The following CADPS variants were observed in gnomAD, a reference collection of about 807,000 sequenced individuals.
The protein encoded by CADPS is calcium-dependent secretion activator 1.
A neutral mutation model predicts 167.3 loss-of-function variants in CADPS; 57 were observed. The observed-to-expected ratio is 0.34, with a 90% CI of 0.28 to 0.42. CADPS has a LOEUF of 0.42. Ranked by LOEUF, CADPS falls within the 20% of genes least tolerant of loss-of-function variation. The pLI, the probability that CADPS is intolerant of heterozygous loss-of-function variation, is 1.00. For missense variants in CADPS, 1,414 were observed against 1,738.1 expected (o/e 0.81, Z 3.32); for synonymous variants, 676 against 635.3 (o/e 1.06, Z -0.96).
At chr3:62,570,803 T>G (rs2081148552) in intron 9 of CADPS, 69 bp downstream of exon 9, 1 of 1,065,888 alleles carries the variant, frequency 9.4e-7, no homozygotes, top group African/African-American at 1.6e-5. Context: ...ATACCTCAGT[T>G]AAAAAGCATT....
In CADPS at chr3:62,765,882, T is replaced by C. The variant is rs2152503787; in HGVS notation, c.544A>G (p.Ser182Gly). Residue 182 changes from serine (S) to glycine (G), a missense_variant, in exon 2 of 30, where the codon AGT (serine) becomes GGT (glycine). Coordinates refer to ENST00000383710, the MANE Select transcript of CADPS (RefSeq NM_003716.4). Reference protein sequence around the residue: ...ADEAFMNAVQSYYEVFLKSDR... With the variant: ...ADEAFMNAVQGYYEVFLKSDR... ...ACAGTGATTCTCACCTCATAGTAACTCTGCACAGCGTTCATGAAGGCTTCG... is the reference window on the plus strand; with the variant it reads ...ACAGTGATTCTCACCTCATAGTAACCCTGCACAGCGTTCATGAAGGCTTCG... 3.7e-6 allele frequency: 6 copies of C among 1,609,624 alleles called. No individual in the cohort carries two copies. The highest frequency in any genetic ancestry group is 5.1e-6 in the Non-Finnish European group (6 of 1,176,200).
intron 7 of CADPS, 31 bp from the exon 8 acceptor site, chr3:62,585,355 A>G: frequency 6.3e-7 from 1 of 1,590,238 alleles, no homozygotes; most frequent in South Asian, 1.1e-5. Context: ...GCAACTAGAA[A>G]AGAGAAGCAC....
At chr3:62,799,551 G>T (rs1413976753) in intron 1 of CADPS, among the ~76,000 whole-genome samples, 1 of 152,156 alleles carries the variant, frequency 6.6e-6, no homozygotes, top group Non-Finnish European at 1.5e-5. Context: ...GCAAGATAAT[G>T]TTAGGATTAC....
At chr3:62,696,436 G>A (rs1015661559) in intron 3 of CADPS, among the ~76,000 whole-genome samples, 1 of 152,158 alleles carries the variant, frequency 6.6e-6, no homozygotes, top group East Asian at 1.9e-4. Context: ...CCCTGCCTCA[G>A]AAGTCTGCAT....
chr3:62,449,319 A>G (rs533386952), intron 26 of CADPS, among the ~76,000 whole-genome samples: 1 of 152,266 alleles, frequency 6.6e-6, no homozygotes, highest in South Asian at 2.1e-4. Flanking sequence ...ATGAGAGTTT[A>G]TCTCTAGGGC....
rs1487846745 is a variant in CADPS at position 62,602,866 on chromosome 3, C to G, written c.1326-10118G>C. On this transcript the variant is annotated intron_variant, in intron 6 of 29. Coordinates refer to ENST00000383710, the MANE Select transcript of CADPS (RefSeq NM_003716.4). This position sits in a 1 kb window ranked among gnomAD's most constrained non-coding sequence, Gnocchi z 4.4. ...CCGGCTTAGTTAAAGGAACTGCCAG[C>G]CACCCAGACATCATTCTTATTTGCC... Among the ~76,000 whole-genome samples the G allele has an allele frequency of 6.6e-6, 1 of 152,182 alleles. No homozygotes were observed. Among genetic ancestry groups the G allele is most frequent in the African/African-American group, 2.4e-5 (1 of 41,426 alleles).
In CADPS at chr3:62,438,047, G is replaced by A. The variant is rs1020912802; in HGVS notation, c.3777+57C>T. Reference sequence around the variant, plus strand: ...GACTTATCCTCCTGTCTCTTATTTTGTCACATTTTGGAGGGTCTCCTCCTT... The same window carrying A: ...GACTTATCCTCCTGTCTCTTATTTTATCACATTTTGGAGGGTCTCCTCCTT... On this transcript the variant is annotated intron_variant, in intron 28 of 29. Coordinates refer to ENST00000383710, the MANE Select transcript of CADPS (RefSeq NM_003716.4). The surrounding 1 kb of genome is among the most constrained non-coding windows in gnomAD (Gnocchi z 4.7). 2 of 1,142,404 alleles carry A rather than the reference G, an allele frequency of 1.8e-6. No individual in the cohort carries two copies. The highest frequency in any genetic ancestry group is 2.6e-6 in the Non-Finnish European group (2 of 763,588). 70.8% of individuals were successfully genotyped at this position (1,142,404 alleles called of 1,614,324 possible). A position where few individuals can be genotyped will look rare whatever the true frequency, so the allele number is the denominator to read the frequency against.
intron 10 of CADPS, among the ~76,000 whole-genome samples, chr3:62,556,380 T>A (rs1293946079): frequency 6.6e-6 from 1 of 152,216 alleles, no homozygotes. Context: ...TTTTACTAAG[T>A]GGGCTGGGCC....
chr3:62,704,913 G>A (rs2151640434), intron 3 of CADPS, among the ~76,000 whole-genome samples: 2 of 152,146 alleles, frequency 1.3e-5, no homozygotes, highest in East Asian at 3.9e-4. Context: ...ATCACACCTG[G>A]AAAGCACCAT....
chr3:62,728,738 G>A (rs1178387356), intron 3 of CADPS, among the ~76,000 whole-genome samples: 1 of 151,908 alleles, frequency 6.6e-6, no homozygotes, highest in African/African-American at 2.4e-5. Flanking sequence ...ACCAAAGGAA[G>A]AAGAAAGTGA....
chr3:62,674,160 CGTGT>C (rs1563685676), intron 3 of CADPS, among the ~76,000 whole-genome samples: 1 of 151,990 alleles, frequency 6.6e-6, no homozygotes, highest in Non-Finnish European at 1.5e-5. Flanking sequence ...TATATGTGCA[CGTGT>C]GTAAGAAAGC....
intron 28 of CADPS, among the ~76,000 whole-genome samples, chr3:62,415,264 C>T (rs1484520022): frequency 3.9e-5 from 6 of 152,074 alleles, no homozygotes; most frequent in Non-Finnish European, 7.4e-5. Flanking sequence ...AAACGGCGCT[C>T]GGTTGCTCGG....
At chr3:62,447,596 G>A (rs2057408667) in intron 26 of CADPS, among the ~76,000 whole-genome samples, 1 of 152,206 alleles carries the variant, frequency 6.6e-6, no homozygotes, top group Admixed American at 6.5e-5. Context: ...ATGAGAGAAA[G>A]CTAATGACCA....
At chr3:62,597,671 C>T (rs138790805) in intron 6 of CADPS, among the ~76,000 whole-genome samples, 504 of 152,246 alleles carry the variant, frequency 3.3e-3, no homozygotes, top group African/African-American at 0.012. Context: ...TCAGTGCTTC[C>T]GAGAACCCAT....
chr3:62,659,656 A>C (rs752862906), intron 4 of CADPS, among the ~76,000 whole-genome samples: 43 of 152,230 alleles, frequency 2.8e-4, no homozygotes, highest in Admixed American at 9.2e-4. Flanking sequence ...GCTGACCCAC[A>C]GTCCACAGGC....
intron 16 of CADPS, 35 bp from the exon 17 acceptor site, chr3:62,512,803 A>G (rs757744463): frequency 1.9e-6 from 3 of 1,591,378 alleles, no homozygotes; most frequent in South Asian, 2.3e-5. Context: ...AGGAGAGAAG[A>G]GAGAGAAACA....
chr3:62,785,241 A>C (rs2092306439), intron 1 of CADPS, among the ~76,000 whole-genome samples: 1 of 152,132 alleles, frequency 6.6e-6, no homozygotes, highest in Non-Finnish European at 1.5e-5. Context: ...TTAGTGAGTG[A>C]TATAACTCTG....
At chr3:62,639,126 T>G (rs1398097) in intron 6 of CADPS, among the ~76,000 whole-genome samples, 143,949 of 152,228 alleles carry the variant, frequency 0.95, 68,588 homozygotes, top group East Asian at 1. Flanking sequence ...TGAGAGGCAG[T>G]ACAGTGTCTG....
At chr3:62,480,094 T>C (rs1250057058) in intron 22 of CADPS, among the ~76,000 whole-genome samples, 2 of 152,164 alleles carry the variant, frequency 1.3e-5, no homozygotes, top group African/African-American at 2.4e-5. Flanking sequence ...TATTAAGTTT[T>C]GACATGAGGA....
Sources: allele counts gnomAD v4.1 joint callset (sites outside exome capture counted in the v4.1 genomes callset), GRCh38; gene constraint gnomAD v4.1.1; non-coding constraint Gnocchi (gnomAD v3.1); transcripts MANE v1.5; gene names NCBI Gene and HGNC (gene_info 2026-07-23, HGNC 2026-07-21).